Variants in PRKG1 observed in about 807,000 individuals in gnomAD.
The protein encoded by PRKG1 is protein kinase cGMP-dependent 1.
A neutral mutation model predicts 88.1 loss-of-function variants in PRKG1; 35 were observed. That is an observed-to-expected ratio of 0.40 (90% CI 0.30 to 0.53). The LOEUF (loss-of-function observed/expected upper bound fraction) is 0.53. Among genes scored for constraint, PRKG1 ranks in the 20% least tolerant of loss-of-function variants. The pLI, the probability that PRKG1 is intolerant of heterozygous loss-of-function variation, is 0.59. For missense variants in PRKG1, 540 were observed against 839.8 expected (o/e 0.64, Z 4.41); for synonymous variants, 303 against 292.5 (o/e 1.04, Z -0.37).
chr10:51,033,885 T>G (rs1347849260), intron 1 of PRKG1, among the ~76,000 whole-genome samples: 1 of 152,196 alleles, frequency 6.6e-6, no homozygotes, highest in African/African-American at 2.4e-5. Context: ...GTTTGTTCAT[T>G]TGTTTTTATG....
At chr10:51,119,018 G>A (rs1457505071) in intron 1 of PRKG1, among the ~76,000 whole-genome samples, 1 of 152,066 alleles carries the variant, frequency 6.6e-6, no homozygotes, top group South Asian at 2.1e-4. Flanking sequence ...CTGAATATAG[G>A]TTGCTTTAGG....
intron 6 of PRKG1, among the ~76,000 whole-genome samples, chr10:52,058,902 C>T (rs932723940): frequency 1.3e-5 from 2 of 151,910 alleles, no homozygotes; most frequent in Admixed American, 1.3e-4. Flanking sequence ...AAGTACACGT[C>T]TTGTAAGGGG....
chr10:51,034,448 C>G (rs529211225), intron 1 of PRKG1, among the ~76,000 whole-genome samples: 211 of 151,858 alleles, frequency 1.4e-3, no homozygotes, highest in Non-Finnish European at 2.1e-3. Context: ...TTATCCATGT[C>G]TATTTTTCAT....
chr10:52,188,202 A>G (rs569404854), intron 9 of PRKG1, among the ~76,000 whole-genome samples: 15 of 83,514 alleles, frequency 1.8e-4, no homozygotes, highest in East Asian at 1.6e-3. Context: ...GTGTGTGTGT[A>G]TATATATATG....
At chr10:51,530,807 A>G (rs1165459216) in intron 3 of PRKG1, among the ~76,000 whole-genome samples, 4 of 152,046 alleles carry the variant, frequency 2.6e-5, no homozygotes, top group Non-Finnish European at 2.9e-5. Context: ...CTTTTGTCTG[A>G]TGGGAAACCC....
chr10:51,372,014 A>G (rs770971978), intron 2 of PRKG1, among the ~76,000 whole-genome samples: 4 of 152,192 alleles, frequency 2.6e-5, no homozygotes, highest in Non-Finnish European at 5.9e-5. Flanking sequence ...AAATGGAAGA[A>G]AAGTCAAAAC....
In PRKG1 at chr10:51,494,434, G is replaced by C. The variant is rs574484227; in HGVS notation, c.592+26598G>C. 1.2e-4 allele frequency among the ~76,000 whole-genome samples: 19 copies of C among 152,306 alleles called. No individual in the cohort carries two copies. In the East Asian group the frequency reaches 3.5e-3, roughly 28 times the overall value. On this transcript the variant is annotated intron_variant, in intron 3 of 17. Coordinates refer to ENST00000373980, the MANE Select transcript of PRKG1 (RefSeq NM_006258.4). ...ACTGGTAAAATTGTCTTTCAACAGA[G>C]AAAACTGAAAGTAGTATAAATGATA...
chr10:51,638,221 CTAGCAGTTTTATTATTTTAGATAAG>C (rs1839707615), intron 3 of PRKG1, among the ~76,000 whole-genome samples: 1 of 152,086 alleles, frequency 6.6e-6, no homozygotes, highest in African/African-American at 2.4e-5. Flanking sequence ...GAAAAATTGA[CTAGCAGTTTTATTATTTTAGATAAG>C]TATACTCCAT....
intron 3 of PRKG1, among the ~76,000 whole-genome samples, chr10:51,661,932 A>T (rs1415264341): frequency 6.6e-6 from 1 of 152,176 alleles, no homozygotes; most frequent in East Asian, 1.9e-4. Context: ...TTGTAGGGAC[A>T]TGGATGAAGC....
intron 2 of PRKG1, among the ~76,000 whole-genome samples, chr10:51,234,185 C>T (rs1239906438): frequency 2.6e-5 from 4 of 152,096 alleles, no homozygotes; most frequent in South Asian, 2.1e-4. Flanking sequence ...AAGATCCTCT[C>T]GCCTTTTGAG....
intron 2 of PRKG1, among the ~76,000 whole-genome samples, chr10:51,160,875 C>CGTGT (rs71459406): frequency 0.011 from 1,592 of 150,038 alleles, 22 homozygotes; most frequent in African/African-American, 0.018. Context: ...TCTTCATGCT[C>CGTGT]GTGTGTGTGT....
rs1846065378 is a variant in PRKG1 at position 52,054,581 on chromosome 10, GAC to G, written c.840+22_840+23del. On this transcript the variant is annotated intron_variant, in intron 6 of 17. Transcript: ENST00000373980. ...GGAACGGTAAGCTTTGGTGGCACAA[GAC>G]AGTGATGCACTAGGGGAGCCTGGGG... 1 of 1,608,616 alleles carries G rather than the reference GAC, an allele frequency of 6.2e-7. No homozygotes were observed.
intron 10 of PRKG1, among the ~76,000 whole-genome samples, chr10:52,264,590 T>C (rs1449977459): frequency 4.6e-5 from 7 of 152,118 alleles, no homozygotes; most frequent in East Asian, 1.9e-4. Context: ...AACTAAAAAA[T>C]GGCTTTATGC....
At chr10:51,310,919 A>C (rs920782744) in intron 2 of PRKG1, among the ~76,000 whole-genome samples, 1 of 152,226 alleles carries the variant, frequency 6.6e-6, no homozygotes, top group Admixed American at 6.5e-5. Flanking sequence ...TAGGGTGATC[A>C]GGTTTCATTC....
chr10:51,405,285 G>A (rs1393080321), intron 2 of PRKG1, among the ~76,000 whole-genome samples: 2 of 152,122 alleles, frequency 1.3e-5, no homozygotes, highest in African/African-American at 4.8e-5. Flanking sequence ...ACTGGGGACT[G>A]GCTGTACTTT....
At chr10:51,502,729 G>A (rs1841066398) in intron 3 of PRKG1, among the ~76,000 whole-genome samples, 1 of 152,178 alleles carries the variant, frequency 6.6e-6, no homozygotes, top group African/African-American at 2.4e-5. Flanking sequence ...ATGTCTTTTT[G>A]AGTTATTACC....
chr10:51,211,764 G>A (rs1838227143), intron 2 of PRKG1, among the ~76,000 whole-genome samples: 3 of 152,176 alleles, frequency 2.0e-5, no homozygotes, highest in East Asian at 1.9e-4. Context: ...TACGAGGGAT[G>A]TGAAGGACCT....
chr10:51,593,804 A>C (rs1433043470), intron 3 of PRKG1, among the ~76,000 whole-genome samples: 2 of 152,064 alleles, frequency 1.3e-5, no homozygotes, highest in East Asian at 3.9e-4. Context: ...GGCTCACTGC[A>C]ACCTCTGCCT....
chr10:52,137,074 T>G (rs1462912456), intron 8 of PRKG1, among the ~76,000 whole-genome samples: 1 of 152,122 alleles, frequency 6.6e-6, no homozygotes, highest in Non-Finnish European at 1.5e-5. Flanking sequence ...GCACCAGGGC[T>G]TCATCCCATG....
Sources: gnomAD v4.1 joint callset for allele counts (sites outside exome capture counted in the v4.1 genomes callset) on GRCh38, gnomAD v4.1.1 for gene constraint, MANE v1.5 for transcripts, NCBI Gene and HGNC (gene_info 2026-07-23, HGNC 2026-07-21) for gene names.